EPHA10: variants seen among roughly 807,000 people sequenced by gnomAD.
The protein encoded by EPHA10 is EPH receptor A10.
A neutral mutation model predicts 109.7 loss-of-function variants in EPHA10; 120 were observed. The observed-to-expected ratio is 1.09, with a 90% CI of 0.94 to 1.27. EPHA10 has a LOEUF of 1.27. Ranked by LOEUF, EPHA10 falls within the 50% of genes most tolerant of loss-of-function variation. The probability of loss-of-function intolerance (pLI) is 0.00; values close to 1 mark genes in which losing one functional copy is unlikely to be tolerated. For synonymous variants in EPHA10, 640 were observed against 618.9 expected (o/e 1.03, Z -0.51); for missense variants, 1,396 against 1,411.1 (o/e 0.99, Z 0.17).
At chr1:37,720,615 A>T in intron 12 of EPHA10, 61 bp from the exon 13 acceptor site, 2 of 1,559,508 alleles carry the variant, frequency 1.3e-6, no homozygotes, top group South Asian at 2.3e-5. Context: ...GTTGTGTGAC[A>T]CCAGGGCGGT....
intron 10 of EPHA10, chr1:37,722,350 G>A (rs1278487304): frequency 4.4e-6 from 1 of 228,764 alleles, no homozygotes; most frequent in Non-Finnish European, 9.0e-6. Flanking sequence ...CAAACCCCAT[G>A]TGACCCAGGA....
intron 8 of EPHA10, 114 bp downstream of exon 8, chr1:37,726,987 CT>C (rs1645902564): frequency 1.4e-6 from 1 of 727,014 alleles, no homozygotes; most frequent in Non-Finnish European, 2.2e-6. Flanking sequence ...CAGCAGTGTG[CT>C]TGCAGGTGCA....
chr1:37,733,222 G>A (rs1385885109), intron 6 of EPHA10, among the ~76,000 whole-genome samples: 1 of 151,566 alleles, frequency 6.6e-6, no homozygotes, highest in East Asian at 1.9e-4. Flanking sequence ...GTTTTTGGGG[G>A]TTTTGGTGGG....
rs766201187 is a variant in EPHA10 at position 37,761,630 on chromosome 1, T to G, written c.625A>C (p.Lys209Gln). 6.2e-7 allele frequency: 1 copy of G among 1,604,692 alleles called. No individual in the cohort carries two copies. Among genetic ancestry groups the G allele is most frequent in the African/African-American group, 1.3e-5 (1 of 74,840 alleles). The change falls in exon 3 of 17, where the codon AAG becomes CAG. Residue 209 changes from lysine to glutamine, a missense_variant. Transcript: ENST00000373048. Reference sequence around the variant, plus strand: ...CCCCGCACGGTGGCGCGGCACTGCTTGTAGTAGACGCGCACCGAGACAAGC... The same window carrying G: ...CCCCGCACGGTGGCGCGGCACTGCTGGTAGTAGACGCGCACCGAGACAAGC... ...VALVSVRVYY[K>Q]QCRATVRGLA...
chr1:37,723,117 G>A lies in EPHA10; in HGVS notation c.1884C>T (p.Asp628=). Reference sequence around the variant, plus strand: ...CGAACAGATGCACAGCCTGCAGCAGGTCCCCACAGCTCTGGGGGTCCAGGA... The same window carrying A: ...CGAACAGATGCACAGCCTGCAGCAGATCCCCACAGCTCTGGGGGTCCAGGA... ...RTFLDPQSCG[D]LLQAVHLFAK... Residue 628 remains aspartate (D), a synonymous_variant, in exon 10 of 17, where the codon GAC becomes GAT. Transcript: ENST00000373048. The A allele has an allele frequency of 6.2e-7, 1 of 1,614,202 alleles. No homozygotes were observed. Among genetic ancestry groups the A allele is most frequent in the Non-Finnish European group, 8.5e-7 (1 of 1,180,040 alleles).
At position 37,765,004 on chromosome 1, in the gene EPHA10, G is replaced by A. The variant is rs753433742; in HGVS notation, c.63C>T (p.Leu21=). The change falls in exon 1 of 17, where the codon CTC becomes CTT. Residue 21 remains leucine (L), a synonymous_variant. Transcript: ENST00000373048. The stretch of plus-strand genomic sequence containing the variant: ...GCCGCCAGGGTCCCAAAAGCAGCGC[G>A]AGACAGAGCTGCATCCGGCAGAGGA... The part of the protein sequence containing the change: ...RLFLCRMQLC[L]ALLLGPWRPG... 9.3e-6 allele frequency: 15 copies of A among 1,611,052 alleles called. No individual in the cohort carries two copies. In the Admixed American group the frequency reaches 1.5e-4, roughly 16 times the overall value.
At position 37,742,838 on chromosome 1, in the gene EPHA10, GA is replaced by G. The variant is rs567941531; in HGVS notation, c.1358-7449del. ...CCGTCTCTACAAAACAATTTAAAAA[GA>G]AAAAAAAGTTAGCTAGGCATGTTGG... is the stretch of plus-strand genomic sequence containing the variant. On this transcript the variant is annotated intron_variant, in intron 5 of 16. Coordinates refer to ENST00000373048, the MANE Select transcript of EPHA10 (RefSeq NM_001099439.2). 9.2e-5 allele frequency among the ~76,000 whole-genome samples: 14 copies of G among 151,532 alleles called. No homozygotes were observed. The East Asian group carries it at 1.9e-3, about 21-fold the overall frequency.
At chr1:37,735,209 G>A in intron 6 of EPHA10, 48 bp downstream of exon 6, 1 of 1,554,146 alleles carries the variant, frequency 6.4e-7, no homozygotes, top group East Asian at 2.4e-5. Context: ...GAAGCCCTGC[G>A]GGACAGGTGC....
Position 37,717,061 on chromosome 1 carries a change from C to A in EPHA10, c.*1311G>T. The A allele has an allele frequency of 4.4e-6, 1 of 225,938 alleles. No individual in the cohort carries two copies. Among genetic ancestry groups the A allele is most frequent in the Non-Finnish European group, 8.8e-6 (1 of 113,612 alleles). The allele number at this position is 225,938 out of a possible 1,614,324, so 14.0% of individuals were successfully genotyped here. On this transcript the variant is annotated 3_prime_UTR_variant, in exon 17 of 17. Coordinates refer to ENST00000373048, the MANE Select transcript of EPHA10 (RefSeq NM_001099439.2). ...CCCACCAACACACAGCCAAGCAGAG[C>A]AGACAAGTGTCACGGGCGGCCTAAA... is the stretch of plus-strand genomic sequence containing the variant.
At chr1:37,747,033 C>T (rs1034927016) in intron 5 of EPHA10, among the ~76,000 whole-genome samples, 1 of 152,134 alleles carries the variant, frequency 6.6e-6, no homozygotes, top group African/African-American at 2.4e-5. Context: ...TTAGATAGCA[C>T]TTGTTGCACA....
intron 3 of EPHA10, among the ~76,000 whole-genome samples, chr1:37,755,329 C>T (rs1569762989): frequency 2.5e-5 from 2 of 80,748 alleles, no homozygotes; most frequent in Middle Eastern, 9.3e-3. Flanking sequence ...AGCATACATG[C>T]ACACACACAC....
At chr1:37,760,543 G>A (rs1646421561) in intron 3 of EPHA10, 4 of 752,306 alleles carry the variant, frequency 5.3e-6, no homozygotes, top group Non-Finnish European at 5.0e-6. Flanking sequence ...CCCCCTGCCA[G>A]CCTCTAACTT....
Position 37,718,301 on chromosome 1 carries a change from G to A in EPHA10, c.*71C>T. The A allele has an allele frequency of 1.5e-6, 2 of 1,340,834 alleles. No homozygotes were observed. The highest frequency in any genetic ancestry group is 2.1e-6 in the Non-Finnish European group (2 of 966,178). 83.1% of individuals were successfully genotyped at this position (1,340,834 alleles called of 1,614,324 possible). A position where few individuals can be genotyped will look rare whatever the true frequency, so the allele number is the denominator to read the frequency against. ...CTCCCACACTGCTGGAGCGCAGCTTGCCACGGTCCTTGGGCAGGGCTGGGG... is the reference window on the plus strand; with the variant it reads ...CTCCCACACTGCTGGAGCGCAGCTTACCACGGTCCTTGGGCAGGGCTGGGG... On this transcript the variant is annotated 3_prime_UTR_variant, in exon 17 of 17. Transcript: ENST00000373048.
rs576260080 is a variant in EPHA10 at position 37,742,324 on chromosome 1, C to A, written c.1358-6934G>T. Among the ~76,000 whole-genome samples the A allele has an allele frequency of 2.6e-5, 4 of 152,316 alleles. No homozygotes were observed. In the East Asian group the frequency reaches 7.7e-4, roughly 29 times the overall value. Reference sequence around the variant, plus strand: ...TCCCCATAGGTGACTTGGGTAACTTCTGGCTGTTCTAAGACATTTGTGTGC... The same window carrying A: ...TCCCCATAGGTGACTTGGGTAACTTATGGCTGTTCTAAGACATTTGTGTGC... On this transcript the variant is annotated intron_variant, in intron 5 of 16. Coordinates refer to ENST00000373048, the MANE Select transcript of EPHA10 (RefSeq NM_001099439.2).
intron 9 of EPHA10, 70 bp from the exon 10 acceptor site, chr1:37,723,236 G>A: frequency 6.2e-7 from 1 of 1,606,994 alleles, no homozygotes; most frequent in Admixed American, 1.7e-5. Flanking sequence ...GGCTCATGCA[G>A]TGTAGCAAGG....
chr1:37,727,344 G>T, intron 7 of EPHA10, 134 bp from the exon 8 acceptor site: 1 of 653,986 alleles, frequency 1.5e-6, no homozygotes, highest in East Asian at 3.3e-5. Context: ...CCCAGCCACA[G>T]AGGCGCCAAG....
intron 10 of EPHA10, 62 bp downstream of exon 10, chr1:37,722,978 CG>C: frequency 6.2e-7 from 1 of 1,611,636 alleles, no homozygotes; most frequent in Non-Finnish European, 8.5e-7. Flanking sequence ...AGAGTAGGGG[CG>C]GGGCCTATAG....
rs1646309707 is a variant in EPHA10 at position 37,750,775 on chromosome 1, C to T, written c.1357+2101G>A. Among the ~76,000 whole-genome samples the T allele has an allele frequency of 3.9e-5, 6 of 151,912 alleles. No homozygotes were observed. In the South Asian group the frequency reaches 1.2e-3, roughly 32 times the overall value. ...TTAAAATTTTTTGTAGAGACAGGGTCTCACTATATTGCTCCTGGCCTCAGG... is the reference window on the plus strand; with the variant it reads ...TTAAAATTTTTTGTAGAGACAGGGTTTCACTATATTGCTCCTGGCCTCAGG... On this transcript the variant is annotated intron_variant, in intron 5 of 16. Coordinates refer to ENST00000373048, the MANE Select transcript of EPHA10 (RefSeq NM_001099439.2).
chr1:37,721,658 A>G lies in EPHA10; in HGVS notation c.2146+2T>C. ...CAGCAGGAAGGGAGCACCGGGCCCT[A>G]CCTCGGGTAACAACGCCCTCCAGCC... On this transcript the variant is annotated splice_donor_variant, in intron 11 of 16. Coordinates refer to ENST00000373048, the MANE Select transcript of EPHA10 (RefSeq NM_001099439.2). LOFTEE classifies it high-confidence loss of function. The G allele has an allele frequency of 2.5e-6, 4 of 1,601,192 alleles. No individual in the cohort carries two copies. The highest frequency in any genetic ancestry group is 3.4e-6 in the Non-Finnish European group (4 of 1,173,028).
Sources: allele counts gnomAD v4.1 joint callset (sites outside exome capture counted in the v4.1 genomes callset), GRCh38; gene constraint gnomAD v4.1.1; transcripts MANE v1.5; gene names NCBI Gene and HGNC (gene_info 2026-07-23, HGNC 2026-07-21).